The following DNAH12 variants were observed in gnomAD, a reference collection of about 807,000 sequenced individuals.
DNAH12 encodes the protein axonemal beta dynein heavy chain 12.
In DNAH12, 285 loss-of-function variants were observed where a neutral mutation model predicts 371.5. The observed-to-expected ratio is 0.77, with a 90% CI of 0.70 to 0.85. The LOEUF (loss-of-function observed/expected upper bound fraction) is 0.85, where lower values mean the gene tolerates loss of function less well. DNAH12 is among the 40% of genes least tolerant of loss of function. DNAH12 has a pLI of 0.00. For synonymous variants in DNAH12, 1,200 were observed against 1,213.0 expected, an observed-to-expected ratio of 0.99 and a Z score of 0.22; for missense variants, 3,611 against 3,689.4, an observed-to-expected ratio of 0.98 and a Z score of 0.55.
In DNAH12 at chr3:57,366,759, T is replaced by C. The variant is rs1236515535; in HGVS notation, c.9137A>G (p.Gln3046Arg). 6.6e-6 allele frequency: 1 copy of C among 152,206 alleles called. No individual in the cohort carries two copies. Among genetic ancestry groups the C allele is most frequent in the African/African-American group, 2.4e-5 (1 of 41,454 alleles). The allele number at this position is 152,206 out of a possible 1,614,324, so 9.4% of individuals were successfully genotyped here. The change falls in exon 57 of 74, where the codon CAA (glutamine) becomes CGA (arginine). Residue 3046 changes from glutamine to arginine, a missense_variant. By Grantham distance (43) the Gln-to-Arg change is conservative. Transcript: ENST00000495027. ...CTTTGCAACAACAATACCTAGTAAT[T>C]GATCTTCAAGTCCTTCTGGAGTTAT... ...FMITPEGLED[Q>R]LLGIVVAKER...
At position 57,470,520 on chromosome 3, in the gene DNAH12, C is replaced by T. The variant is rs1260805447; in HGVS notation, c.2028G>A (p.Leu676=). The T allele has an allele frequency of 3.2e-6, 5 of 1,549,548 alleles. No individual in the cohort carries two copies. The South Asian group carries it at 6.0e-5, about 19-fold the overall frequency. The change falls in exon 16 of 74, where the codon CTG becomes CTA. Residue 676 remains leucine (L), a synonymous_variant. Coordinates refer to ENST00000495027, the MANE Select transcript of DNAH12 (RefSeq NM_001366028.2). Reference sequence around the variant, plus strand: ...GCTCAATGTTAACTTTTAATTTATCCAGTTCAGGATATTTTGTCAATTCCC... The same window carrying T: ...GCTCAATGTTAACTTTTAATTTATCTAGTTCAGGATATTTTGTCAATTCCC... The part of the protein sequence containing the change: ...FKWELTKYPE[L]DKLKVNIEPY...
In DNAH12 at chr3:57,309,712, C is replaced by T; in HGVS notation, c.11039G>A (p.Ser3680Asn). The T allele has an allele frequency of 6.5e-7, 1 of 1,549,312 alleles. No homozygotes were observed. Among genetic ancestry groups the T allele is most frequent in the Non-Finnish European group, 8.7e-7 (1 of 1,146,266 alleles). ...GGSKQTGASG[S>N]TDQILLEITK... ...AATTTCTAACAGAATCTGATCAGTA[C>T]TTCCTGAGGCTCCTGTCTGTTTGGA... The change falls in exon 68 of 74, where the codon AGT becomes AAT. Residue 3680 changes from serine (S) to asparagine (N), a missense_variant. By Grantham distance (46) the Ser-to-Asn change is conservative. This residue lies in a region of DNAH12 where 2,266 missense variants were observed against 2,236.9 expected (regional missense o/e 1.01). Transcript: ENST00000495027.
At chr3:57,401,766 G>A (rs2063875160) in intron 43 of DNAH12, among the ~76,000 whole-genome samples, 1 of 151,458 alleles carries the variant, frequency 6.6e-6, no homozygotes, top group African/African-American at 2.4e-5. Flanking sequence ...AGAGAGAGAA[G>A]ACTCAAATAA....
chr3:57,485,368 T>C (rs190096642), intron 12 of DNAH12, among the ~76,000 whole-genome samples: 2 of 152,180 alleles, frequency 1.3e-5, no homozygotes, highest in African/African-American at 4.8e-5. Flanking sequence ...TGAAATAATG[T>C]CCTTTGCTGT....
chr3:57,470,412 G>T (rs1372880490), intron 16 of DNAH12, 31 bp downstream of exon 16: 17 of 1,470,556 alleles, frequency 1.2e-5, no homozygotes, highest in East Asian at 2.5e-5. Flanking sequence ...TCTATCATTT[G>T]CTTGATTTTT....
At chr3:57,388,122 A>G (rs2063532908) in intron 45 of DNAH12, among the ~76,000 whole-genome samples, 2 of 152,262 alleles carry the variant, frequency 1.3e-5, no homozygotes, top group South Asian at 4.1e-4. Context: ...CTTTCCTGGA[A>G]TATGCCAAGC....
At chr3:57,402,547 C>A in intron 43 of DNAH12, 1 of 779,268 alleles carries the variant, frequency 1.3e-6, no homozygotes, top group Non-Finnish European at 1.9e-6. Context: ...CCTCTCTGAA[C>A]TGGAATAAAT....
At chr3:57,437,149 TAAAA>T (rs78888096) in intron 29 of DNAH12, 89 bp from the exon 30 acceptor site, 3 of 795,612 alleles carry the variant, frequency 3.8e-6, no homozygotes, top group Non-Finnish European at 3.9e-6. Context: ...ATTTACTAGT[TAAAA>T]AAAAACTATC....
At chr3:57,351,194 G>A (rs782726626) in intron 60 of DNAH12, among the ~76,000 whole-genome samples, 16 of 151,974 alleles carry the variant, frequency 1.1e-4, no homozygotes, top group East Asian at 1.9e-4. Flanking sequence ...GCTTGAACCC[G>A]GGAGGCGGAG....
chr3:57,520,447 A>G (rs1237849499), intron 4 of DNAH12, among the ~76,000 whole-genome samples: 1 of 33,308 alleles, frequency 3.0e-5, no homozygotes, highest in Non-Finnish European at 5.9e-5. Flanking sequence ...ATTTATTATT[A>G]TTATTTTTTT....
chr3:57,555,990 A>G, the DNAH12 span, among the ~76,000 whole-genome samples: 1 of 152,210 alleles, frequency 6.6e-6, no homozygotes, highest in Non-Finnish European at 1.5e-5. Flanking sequence ...CCAAGATTCC[A>G]AGACAGGTGT....
chr3:57,361,177 C>T (rs1274118813), intron 58 of DNAH12, among the ~76,000 whole-genome samples: 1 of 151,526 alleles, frequency 6.6e-6, no homozygotes, highest in Admixed American at 6.6e-5. Context: ...TGATGAAACC[C>T]TGTCTCTACT....
intron 65 of DNAH12, among the ~76,000 whole-genome samples, chr3:57,320,271 T>C (rs1484599584): frequency 1.3e-5 from 2 of 152,226 alleles, no homozygotes; most frequent in Non-Finnish European, 2.9e-5. Flanking sequence ...TATATGTTCA[T>C]TGCCATATTA....
chr3:57,454,521 A>G (rs980239406), intron 23 of DNAH12, among the ~76,000 whole-genome samples: 1 of 151,966 alleles, frequency 6.6e-6, no homozygotes, highest in Non-Finnish European at 1.5e-5. Context: ...TTAAGATTAT[A>G]TATAGAAACT....
intron 60 of DNAH12, among the ~76,000 whole-genome samples, chr3:57,349,628 C>A (rs1325149997): frequency 6.6e-6 from 1 of 152,178 alleles, no homozygotes; most frequent in African/African-American, 2.4e-5. Flanking sequence ...AAATACTACT[C>A]AGCCATAAAA....
intron 58 of DNAH12, among the ~76,000 whole-genome samples, chr3:57,357,857 A>C (rs1411629479): frequency 6.6e-6 from 1 of 152,160 alleles, no homozygotes; most frequent in Non-Finnish European, 1.5e-5. Context: ...AGGTATTCAA[A>C]ACTATTTGTT....
Position 57,405,162 on chromosome 3 carries a change from T to G in DNAH12, c.6577-15A>C. The G allele has an allele frequency of 2.0e-6, 3 of 1,487,632 alleles. No individual in the cohort carries two copies. The highest frequency in any genetic ancestry group is 2.9e-5 in the African/African-American group (2 of 68,918). The allele number at this position is 1,487,632 out of a possible 1,614,324, so 92.2% of individuals were successfully genotyped here. A position where few individuals can be genotyped will look rare whatever the true frequency, so the allele number is the denominator to read the frequency against. ...TCTTCAGTTACCTATAGAAAGGAAA[T>G]CAACAAATTTTAAAACTTAAAACAT... On this transcript the variant is annotated splice_polypyrimidine_tract_variant and intron_variant, in intron 41 of 73. Coordinates refer to ENST00000495027, the MANE Select transcript of DNAH12 (RefSeq NM_001366028.2).
chr3:57,477,638 C>T (rs922017089), intron 13 of DNAH12, among the ~76,000 whole-genome samples: 1 of 152,162 alleles, frequency 6.6e-6, no homozygotes, highest in African/African-American at 2.4e-5. Flanking sequence ...CAAGTGGGTC[C>T]CTGACCCCCG....
chr3:57,411,156 G>A (rs1382877120), intron 39 of DNAH12, among the ~76,000 whole-genome samples: 1 of 152,156 alleles, frequency 6.6e-6, no homozygotes, highest in Non-Finnish European at 1.5e-5. Context: ...ATTATAGCAA[G>A]CTTGTAAAGA....
Sources: gnomAD v4.1 joint callset for allele counts (sites outside exome capture counted in the v4.1 genomes callset) on GRCh38, gnomAD v4.1.1 for gene constraint, gnomAD v4.1.1 regional missense constraint, MANE v1.5 for transcripts, NCBI Gene and HGNC (gene_info 2026-07-23, HGNC 2026-07-21) for gene names.